Variants in SLC2A13 observed in about 807,000 individuals in gnomAD.
SLC2A13 encodes the protein proton myo-inositol cotransporter.
A neutral mutation model predicts 64.4 loss-of-function variants in SLC2A13; 32 were observed. The observed-to-expected ratio is 0.50, with a 90% CI of 0.37 to 0.67. The LOEUF is 0.67. Ranked by LOEUF, SLC2A13 falls within the 30% of genes least tolerant of loss-of-function variation. SLC2A13 has a pLI of 0.00. For synonymous variants in SLC2A13, 338 were observed against 327.1 expected (o/e 1.03, Z -0.36); for missense variants, 743 against 829.2 (o/e 0.90, Z 1.28).
intron 4 of SLC2A13, among the ~76,000 whole-genome samples, chr12:39,918,888 T>C (rs1400031802): frequency 1.3e-5 from 2 of 151,130 alleles, no homozygotes; most frequent in African/African-American, 4.9e-5. Context: ...CTTTTTGTTA[T>C]AACCAGACTT....
chr12:40,084,180 T>G (rs1473164901), intron 1 of SLC2A13, among the ~76,000 whole-genome samples: 1 of 151,918 alleles, frequency 6.6e-6, no homozygotes, highest in African/African-American at 2.4e-5. Flanking sequence ...ACTAAGATAT[T>G]GTAAAAAATG....
intron 5 of SLC2A13, among the ~76,000 whole-genome samples, chr12:39,867,289 C>T (rs1943934611): frequency 6.6e-6 from 1 of 152,058 alleles, no homozygotes; most frequent in South Asian, 2.1e-4. Context: ...TTTCATAACA[C>T]TCATTAAATA....
chr12:40,050,528 T>C (rs1038951214), intron 1 of SLC2A13, among the ~76,000 whole-genome samples: 2 of 152,206 alleles, frequency 1.3e-5, no homozygotes, highest in African/African-American at 4.8e-5. Flanking sequence ...TTCTGTCCAA[T>C]GAGTGCTCTG....
chr12:39,805,425 G>T (rs1941947628), intron 7 of SLC2A13, among the ~76,000 whole-genome samples: 1 of 152,048 alleles, frequency 6.6e-6, no homozygotes, highest in African/African-American at 2.4e-5. Context: ...GTGGGAATCT[G>T]GGTACATCGT....
chr12:39,842,395 A>AT (rs1304491540), intron 6 of SLC2A13, among the ~76,000 whole-genome samples: 1 of 152,002 alleles, frequency 6.6e-6, no homozygotes, highest in African/African-American at 2.4e-5. Flanking sequence ...CAAATCAGAT[A>AT]TTTTTTCTAC....
At chr12:39,938,992 C>T (rs565700863) in intron 4 of SLC2A13, among the ~76,000 whole-genome samples, 41 of 152,238 alleles carry the variant, frequency 2.7e-4, no homozygotes, top group African/African-American at 9.9e-4. Flanking sequence ...CATTTAACAT[C>T]CGCAGGGTCA....
rs63699664 is a variant in SLC2A13, at chr12:39,826,854, A to ATTT, written c.1445+3246_1445+3248dup. Among the ~76,000 whole-genome samples, 24 of 67,392 alleles carry ATTT rather than the reference A, an allele frequency of 3.6e-4. 1 individual carries two copies. The highest frequency in any genetic ancestry group is 6.1e-4 in the East Asian group (1 of 1,652). 44.2% of individuals were successfully genotyped at this position (67,392 alleles called of 152,430 possible). On this transcript the variant is annotated intron_variant, in intron 7 of 9. Transcript: ENST00000280871. ...TTTATTTCTTTTAAAGTCTCTTTCA[A>ATTT]TTTTTTTTTTTTTTTTTTGCAATGC... is the stretch of plus-strand genomic sequence containing the variant.
chr12:39,881,974 C>T (rs1295920199), intron 4 of SLC2A13, among the ~76,000 whole-genome samples: 1 of 152,100 alleles, frequency 6.6e-6, no homozygotes, highest in African/African-American at 2.4e-5. Context: ...CTTTTAACTG[C>T]TCTACCACCA....
intron 3 of SLC2A13, among the ~76,000 whole-genome samples, chr12:39,985,775 C>A (rs909264801): frequency 6.6e-6 from 1 of 152,136 alleles, no homozygotes; most frequent in African/African-American, 2.4e-5. Context: ...AAACTCCAAA[C>A]CTTTTCTGTT....
intron 6 of SLC2A13, among the ~76,000 whole-genome samples, chr12:39,837,856 G>T (rs1051737174): frequency 6.6e-6 from 1 of 151,670 alleles, no homozygotes; most frequent in Admixed American, 6.6e-5. Context: ...TGCTGGAGAG[G>T]ATGTGGAGAA....
At chr12:39,784,285 G>C (rs1233120136) in intron 7 of SLC2A13, among the ~76,000 whole-genome samples, 1 of 152,130 alleles carries the variant, frequency 6.6e-6, no homozygotes, top group Non-Finnish European at 1.5e-5. Context: ...TAAGCCAAAA[G>C]AACAAAGCTG....
intron 4 of SLC2A13, among the ~76,000 whole-genome samples, chr12:39,922,747 G>A (rs993682726): frequency 5.3e-5 from 8 of 152,048 alleles, no homozygotes; most frequent in African/African-American, 1.7e-4. Flanking sequence ...TTTTTCTCTA[G>A]TATTTTCACT....
intron 4 of SLC2A13, among the ~76,000 whole-genome samples, chr12:39,902,372 G>C (rs59081843): frequency 0.022 from 3,407 of 151,640 alleles, 128 homozygotes; most frequent in African/African-American, 0.078. Context: ...AAAAAGAAGA[G>C]TGAAAAGATA....
At chr12:39,760,281 T>A in intron 9 of SLC2A13, 29 bp from the exon 10 acceptor site, 1 of 1,559,878 alleles carries the variant, frequency 6.4e-7, no homozygotes, top group African/African-American at 1.4e-5. Flanking sequence ...GATACATGAA[T>A]ATGAATATAT....
intron 7 of SLC2A13, among the ~76,000 whole-genome samples, chr12:39,821,654 T>C (rs1264970572): frequency 6.6e-6 from 1 of 152,168 alleles, no homozygotes; most frequent in Non-Finnish European, 1.5e-5. Context: ...TAGGACATGG[T>C]GAACTATACC....
At chr12:39,823,946 G>GAAAT in intron 7 of SLC2A13, among the ~76,000 whole-genome samples, 1 of 152,002 alleles carries the variant, frequency 6.6e-6, no homozygotes, top group East Asian at 1.9e-4. Context: ...TCCTTTCCTG[G>GAAAT]AAATAAGTAT....
rs113518874 is a variant in SLC2A13 at position 40,084,717 on chromosome 12, T to G, written c.556+20536A>C. 8.5e-5 allele frequency among the ~76,000 whole-genome samples: 13 copies of G among 152,212 alleles called. 2 individuals carry two copies. The highest frequency in any genetic ancestry group is 2.9e-4 in the African/African-American group (12 of 41,560). The stretch of plus-strand genomic sequence containing the variant: ...AATGTATGAGACTAGGATTGAGGAC[T>G]CCTCTTAAGGCCTGATGCTCCACTT... On this transcript the variant is annotated intron_variant, in intron 1 of 9. Coordinates refer to ENST00000280871, the MANE Select transcript of SLC2A13 (RefSeq NM_052885.4).
chr12:40,040,304 G>A (rs1227989274), intron 2 of SLC2A13, among the ~76,000 whole-genome samples: 2 of 152,220 alleles, frequency 1.3e-5, no homozygotes, highest in East Asian at 3.8e-4. Flanking sequence ...CATACGCTGT[G>A]AAAGCAAATC....
intron 4 of SLC2A13, among the ~76,000 whole-genome samples, chr12:39,894,802 A>C (rs753933081): frequency 3.3e-5 from 5 of 152,184 alleles, no homozygotes; most frequent in Non-Finnish European, 7.4e-5. Flanking sequence ...GGAATAAAGC[A>C]GGGAGATGCA....
Sources: allele counts gnomAD v4.1 joint callset (sites outside exome capture counted in the v4.1 genomes callset), GRCh38; gene constraint gnomAD v4.1.1; transcripts MANE v1.5; gene names NCBI Gene and HGNC (gene_info 2026-07-23, HGNC 2026-07-21).